The following CEP112 variants were observed in gnomAD, a reference collection of about 807,000 sequenced individuals.
The protein encoded by CEP112 is centrosomal protein of 112 kDa.
A neutral mutation model predicts 153.0 loss-of-function variants in CEP112; 127 were observed. That is an observed-to-expected ratio of 0.83 (90% CI 0.72 to 0.96). The LOEUF (loss-of-function observed/expected upper bound fraction) is 0.96, where lower values mean the gene tolerates loss of function less well. Ranked by LOEUF, CEP112 falls within the 40% of genes least tolerant of loss-of-function variation. The probability of loss-of-function intolerance (pLI) is 0.00; values close to 1 mark genes in which losing one functional copy is unlikely to be tolerated. For missense variants in CEP112, 1,089 were observed against 1,101.2 expected, an observed-to-expected ratio of 0.99 and a Z score of 0.16; for synonymous variants, 358 against 374.4, an observed-to-expected ratio of 0.96 and a Z score of 0.51.
At chr17:65,648,613 G>T (rs144326712) in intron 24 of CEP112, among the ~76,000 whole-genome samples, 1,564 of 152,344 alleles carry the variant, frequency 0.01, 32 homozygotes, top group African/African-American at 0.036. Context: ...AAGGTGTATG[G>T]AATGTGCAGT....
At chr17:65,759,673 G>A (rs1274472650) in intron 21 of CEP112, among the ~76,000 whole-genome samples, 1 of 152,138 alleles carries the variant, frequency 6.6e-6, no homozygotes, top group Non-Finnish European at 1.5e-5. Context: ...AGGAGAAACT[G>A]TTTTAGGATA....
intron 20 of CEP112, among the ~76,000 whole-genome samples, chr17:65,852,643 G>A (rs2058004170): frequency 6.6e-6 from 1 of 151,052 alleles, no homozygotes; most frequent in African/African-American, 2.4e-5. Context: ...TAATTTCTAT[G>A]TAAATGGAAT....
At chr17:66,054,948 G>T (rs2066619015) in intron 11 of CEP112, among the ~76,000 whole-genome samples, 1 of 150,740 alleles carries the variant, frequency 6.6e-6, no homozygotes, top group Non-Finnish European at 1.5e-5. Context: ...AGTAGAGCCG[G>T]GGTTTCACCA....
At chr17:65,795,770 C>T (rs2145771520) in intron 21 of CEP112, among the ~76,000 whole-genome samples, 1 of 152,216 alleles carries the variant, frequency 6.6e-6, no homozygotes, top group South Asian at 2.1e-4. Context: ...TGAGATCACG[C>T]CACTGCACTC....
At chr17:66,053,157 GA>G (rs1252026064) in intron 12 of CEP112, among the ~76,000 whole-genome samples, 7 of 146,300 alleles carry the variant, frequency 4.8e-5, no homozygotes, top group South Asian at 2.2e-4. Flanking sequence ...AAAGTCAATG[GA>G]AAAAAAAACA....
chr17:65,705,341 T>G (rs950622593), intron 23 of CEP112, among the ~76,000 whole-genome samples: 2 of 152,200 alleles, frequency 1.3e-5, no homozygotes, highest in Non-Finnish European at 2.9e-5. Flanking sequence ...CTAATGTAAA[T>G]TTCTTCAGAT....
chr17:65,739,597 G>T (rs570985929), intron 23 of CEP112, among the ~76,000 whole-genome samples: 1 of 151,992 alleles, frequency 6.6e-6, no homozygotes, highest in African/African-American at 2.4e-5. Flanking sequence ...TTAGCCAGGC[G>T]TGGTGGTGGG....
intron 12 of CEP112, among the ~76,000 whole-genome samples, chr17:66,038,948 G>A (rs1015084797): frequency 6.6e-6 from 1 of 152,130 alleles, no homozygotes; most frequent in African/African-American, 2.4e-5. Context: ...GGCAACAACG[G>A]CCAGGACTCA....
rs564596533 is a variant in CEP112, at chr17:65,658,693, C to T, written c.2698-17628G>A. Among the ~76,000 whole-genome samples, 171 of 151,952 alleles carry T rather than the reference C, an allele frequency of 1.1e-3. 1 individual carries two copies. Among genetic ancestry groups the T allele is most frequent in the Non-Finnish European group, 1.6e-4 (11 of 67,970 alleles). ...AGGCCAGAAGAAGAAGCTGTAGCCT[C>T]GGGAATGGAAGAGCTCTCTGAAGGG... On this transcript the variant is annotated intron_variant, in intron 24 of 26. Coordinates refer to ENST00000535342, the MANE Select transcript of CEP112 (RefSeq NM_001199165.4).
intron 26 of CEP112, among the ~76,000 whole-genome samples, chr17:65,636,422 G>C (rs1395611619): frequency 6.6e-6 from 1 of 152,084 alleles, no homozygotes; most frequent in Non-Finnish European, 1.5e-5. Flanking sequence ...AAACCCTTGG[G>C]GGAAAGGACT....
chr17:65,984,625 C>T (rs1323113087), intron 17 of CEP112, among the ~76,000 whole-genome samples: 1 of 152,122 alleles, frequency 6.6e-6, no homozygotes, highest in Admixed American at 6.6e-5. Flanking sequence ...TTATATGACA[C>T]AATCCTGGAA....
At chr17:65,767,364 A>T (rs1391440754) in intron 21 of CEP112, among the ~76,000 whole-genome samples, 1 of 152,070 alleles carries the variant, frequency 6.6e-6, no homozygotes, top group African/African-American at 2.4e-5. Flanking sequence ...ACATACCAAA[A>T]CCTATGGGAT....
chr17:65,853,557 C>T (rs1244841839), intron 20 of CEP112, among the ~76,000 whole-genome samples: 2 of 151,910 alleles, frequency 1.3e-5, no homozygotes, highest in African/African-American at 4.8e-5. Flanking sequence ...GGTGAAACCC[C>T]GTCTCTACTG....
intron 6 of CEP112, among the ~76,000 whole-genome samples, chr17:66,109,941 A>T (rs1360640334): frequency 2.0e-5 from 3 of 152,170 alleles, no homozygotes; most frequent in African/African-American, 7.2e-5. Flanking sequence ...CGAGCAGATC[A>T]TGAGGTCAGG....
At chr17:65,911,639 G>A (rs965090503) in intron 19 of CEP112, among the ~76,000 whole-genome samples, 3 of 151,876 alleles carry the variant, frequency 2.0e-5, no homozygotes, top group Non-Finnish European at 4.4e-5. Flanking sequence ...GATCAGCCTA[G>A]GCAATGTATC....
chr17:65,788,924 C>G (rs2054432353), intron 21 of CEP112, among the ~76,000 whole-genome samples: 1 of 152,188 alleles, frequency 6.6e-6, no homozygotes, highest in African/African-American at 2.4e-5. Flanking sequence ...CTGACAATTG[C>G]TTATCGATCT....
intron 21 of CEP112, among the ~76,000 whole-genome samples, chr17:65,757,312 C>T (rs550028855): frequency 6.6e-6 from 1 of 152,104 alleles, no homozygotes; most frequent in African/African-American, 2.4e-5. Context: ...CAAATGATCC[C>T]CCAGGAACAA....
chr17:65,765,577 C>A (rs2052915638), intron 21 of CEP112, among the ~76,000 whole-genome samples: 1 of 152,024 alleles, frequency 6.6e-6, no homozygotes, highest in Non-Finnish European at 1.5e-5. Context: ...CATGTTAGAC[C>A]CAATACCAAG....
intron 10 of CEP112, among the ~76,000 whole-genome samples, chr17:66,063,689 A>T (rs931517616): frequency 3.9e-5 from 6 of 152,178 alleles, no homozygotes; most frequent in Non-Finnish European, 8.8e-5. Flanking sequence ...TCACTGGTGC[A>T]AATCTGGTAG....
Sources: allele counts gnomAD v4.1 joint callset (sites outside exome capture counted in the v4.1 genomes callset), GRCh38; gene constraint gnomAD v4.1.1; transcripts MANE v1.5; gene names NCBI Gene and HGNC (gene_info 2026-07-23, HGNC 2026-07-21).